GPR158: variants seen among roughly 807,000 people sequenced by gnomAD.
GPR158 encodes the protein metabotropic glycine receptor.
A neutral mutation model predicts 78.2 loss-of-function variants in GPR158; 30 were observed. The observed-to-expected ratio is 0.38, with a 90% confidence interval of 0.29 to 0.52. The LOEUF (loss-of-function observed/expected upper bound fraction) is 0.52, where lower values mean the gene tolerates loss of function less well. Ranked by LOEUF, GPR158 falls within the 20% of genes least tolerant of loss-of-function variation. GPR158 has a pLI of 0.83. For synonymous variants in GPR158, 581 were observed against 591.1 expected (o/e 0.98, Z 0.25); for missense variants, 1,463 against 1,523.5 (o/e 0.96, Z 0.66).
In GPR158 at chr10:25,412,434, C is replaced by A; in HGVS notation, c.1296C>A (p.Phe432Leu). 6.2e-7 allele frequency: 1 copy of A among 1,613,990 alleles called. No homozygotes were observed. The highest frequency in any genetic ancestry group is 1.7e-4 in the Middle Eastern group (1 of 6,048). The part of the protein sequence containing the change: ...SFQALCMLLD[F>L]VSMLVVYHFR... ...AAGCCCTGTGTATGCTGCTCGACTT[C>A]GTTAGCATGCTGGTGGTCTACCACT... Residue 432 changes from phenylalanine to leucine, a missense_variant, in exon 4 of 11, where the codon TTC (phenylalanine) becomes TTA (leucine). Transcript: ENST00000376351.
intron 5 of GPR158, among the ~76,000 whole-genome samples, chr10:25,544,169 TCC>T (rs1836627827): frequency 6.6e-6 from 1 of 152,212 alleles, no homozygotes; most frequent in South Asian, 2.1e-4. Context: ...AGCTCTTCAG[TCC>T]CTAGGTTACT....
At chr10:25,544,848 T>C (rs371474672) in intron 5 of GPR158, among the ~76,000 whole-genome samples, 2 of 152,164 alleles carry the variant, frequency 1.3e-5, no homozygotes, top group African/African-American at 4.8e-5. Context: ...CCTAATGCTA[T>C]CCCTCTGCTA....
At chr10:25,309,564 A>G (rs760243210) in intron 2 of GPR158, among the ~76,000 whole-genome samples, 6 of 151,724 alleles carry the variant, frequency 4.0e-5, no homozygotes, top group Admixed American at 6.6e-5. Context: ...CAGTTTTTCT[A>G]TTTTTTCTAT....
At chr10:25,330,390 G>A (rs1388074894) in intron 2 of GPR158, among the ~76,000 whole-genome samples, 1 of 152,116 alleles carries the variant, frequency 6.6e-6, no homozygotes, top group Non-Finnish European at 1.5e-5. Flanking sequence ...TTTAGTATAA[G>A]GGAACTCAAG....
chr10:25,312,285 T>G (rs7100224), intron 2 of GPR158, among the ~76,000 whole-genome samples: 30,823 of 151,942 alleles, frequency 0.2, 5,287 homozygotes, highest in African/African-American at 0.47. Flanking sequence ...TCAGAGAAAT[T>G]GTTTCACCGA....
At chr10:25,457,888 G>A (rs1022089938) in intron 4 of GPR158, among the ~76,000 whole-genome samples, 1 of 152,102 alleles carries the variant, frequency 6.6e-6, no homozygotes, top group Non-Finnish European at 1.5e-5. Context: ...TTGAAACAAA[G>A]CAAAATGAAT....
chr10:25,324,185 T>C (rs1481640501), intron 2 of GPR158, among the ~76,000 whole-genome samples: 4 of 152,276 alleles, frequency 2.6e-5, no homozygotes, highest in Admixed American at 6.5e-5. Flanking sequence ...ACAACTTGGC[T>C]AACTGTTTCG....
chr10:25,237,785 TAAATTAA>T (rs1853543711), intron 2 of GPR158, among the ~76,000 whole-genome samples: 1 of 152,182 alleles, frequency 6.6e-6, no homozygotes, highest in Non-Finnish European at 1.5e-5. Context: ...ACCAAACCAC[TAAATTAA>T]AAATTAGATT....
chr10:25,408,875 C>T (rs1202852152), intron 3 of GPR158, among the ~76,000 whole-genome samples: 2 of 152,198 alleles, frequency 1.3e-5, no homozygotes, highest in Admixed American at 6.5e-5. Flanking sequence ...TTCGCACTTC[C>T]TGTTCTGCTA....
chr10:25,430,111 C>T (rs1834880126), intron 4 of GPR158, among the ~76,000 whole-genome samples: 1 of 151,338 alleles, frequency 6.6e-6, no homozygotes, highest in Non-Finnish European at 1.5e-5. Flanking sequence ...TCTAGAAAAC[C>T]CCACTGTCTC....
intron 2 of GPR158, among the ~76,000 whole-genome samples, chr10:25,227,633 A>G (rs1853392561): frequency 6.6e-6 from 1 of 152,208 alleles, no homozygotes; most frequent in African/African-American, 2.4e-5. Flanking sequence ...GATACCTTTT[A>G]TAACATTATT....
rs565136203 is a variant in GPR158, at chr10:25,521,086, C to T, written c.1405-29890C>T. ...CTCGTGGTGCGCCATTTCCTAAGCC[C>T]GTCGGAAAAGCGCAGTATTCGGGCG... On this transcript the variant is annotated intron_variant, in intron 5 of 10. Coordinates refer to ENST00000376351, the MANE Select transcript of GPR158 (RefSeq NM_020752.3). Among the ~76,000 whole-genome samples, 348 of 152,342 alleles carry T rather than the reference C, an allele frequency of 2.3e-3. 3 individuals carry two copies. The highest frequency in any genetic ancestry group is 7.5e-3 in the African/African-American group (310 of 41,588).
At chr10:25,569,994 A>T (rs1334464270) in intron 6 of GPR158, among the ~76,000 whole-genome samples, 1 of 152,192 alleles carries the variant, frequency 6.6e-6, no homozygotes, top group African/African-American at 2.4e-5. Flanking sequence ...GAACCATTTT[A>T]TGTTTTTCTG....
intron 2 of GPR158, among the ~76,000 whole-genome samples, chr10:25,250,607 A>G (rs1296537027): frequency 6.7e-6 from 1 of 149,740 alleles, no homozygotes; most frequent in Non-Finnish European, 1.5e-5. Flanking sequence ...TTCAATTTCC[A>G]TGTAGTTGAG....
chr10:25,434,594 T>C (rs1834971695), intron 4 of GPR158, among the ~76,000 whole-genome samples: 1 of 152,198 alleles, frequency 6.6e-6, no homozygotes, highest in African/African-American at 2.4e-5. Context: ...GCTAGGTTTA[T>C]GAAAATGATG....
At chr10:25,365,937 TAC>T (rs1213458355) in intron 2 of GPR158, among the ~76,000 whole-genome samples, 4 of 151,720 alleles carry the variant, frequency 2.6e-5, no homozygotes, top group African/African-American at 9.7e-5. Context: ...CACTGTATAT[TAC>T]AGTTTTCTTT....
chr10:25,516,652 C>A (rs1472286529), intron 5 of GPR158, among the ~76,000 whole-genome samples: 3 of 116,778 alleles, frequency 2.6e-5, no homozygotes, highest in Non-Finnish European at 5.2e-5. Flanking sequence ...GCTTGTTTTT[C>A]TCAGGTTTGT....
At chr10:25,565,305 ATAATT>A (rs1836914832) in intron 6 of GPR158, among the ~76,000 whole-genome samples, 5 of 152,230 alleles carry the variant, frequency 3.3e-5, no homozygotes, top group Non-Finnish European at 5.9e-5. Context: ...AATAATAGTG[ATAATT>A]GGAGAAAATT....
intron 2 of GPR158, among the ~76,000 whole-genome samples, chr10:25,378,106 T>A (rs1303774872): frequency 6.6e-6 from 1 of 152,148 alleles, no homozygotes; most frequent in South Asian, 2.1e-4. Flanking sequence ...GTTATTTTTT[T>A]AAAACTCTTA....
Sources: gnomAD v4.1 joint callset for allele counts (sites outside exome capture counted in the v4.1 genomes callset) on GRCh38, gnomAD v4.1.1 for gene constraint, MANE v1.5 for transcripts, NCBI Gene and HGNC (gene_info 2026-07-23, HGNC 2026-07-21) for gene names.